WDR59: variants seen among roughly 807,000 people sequenced by gnomAD.
The protein encoded by WDR59 is GATOR2 complex protein WDR59.
Under a neutral mutation model 131.2 loss-of-function variants are expected in WDR59, and 100 were observed. The ratio of observed to expected loss-of-function variants is 0.76; its 90% confidence interval spans 0.65 to 0.90. WDR59 has a LOEUF of 0.90. Ranked by LOEUF, WDR59 falls within the 40% of genes least tolerant of loss-of-function variation. The pLI is 0.00. For missense variants in WDR59, 1,203 were observed against 1,262.2 expected (o/e 0.95, Z 0.71); for synonymous variants, 601 against 466.2 (o/e 1.29, Z -3.72).
chr16:74,916,800 A>C (rs1333074318), intron 11 of WDR59, among the ~76,000 whole-genome samples: 2 of 150,616 alleles, frequency 1.3e-5, no homozygotes, highest in Non-Finnish European at 3.0e-5. Flanking sequence ...CAGAGGTTGC[A>C]GTGAGCAAAG....
Position 74,874,202 on chromosome 16 carries a change from T to G in WDR59, c.*7A>C, listed in dbSNP as rs1164121829. On this transcript the variant is annotated 3_prime_UTR_variant, in exon 26 of 26. Coordinates refer to ENST00000262144, the MANE Select transcript of WDR59 (RefSeq NM_030581.4). The stretch of plus-strand genomic sequence containing the variant: ...GGGATTTCAGACAATACCCAACTTC[T>G]GTAGGTTCAGAAAGTGCTTTCAAGC... 6.2e-6 allele frequency: 10 copies of G among 1,611,468 alleles called. No individual in the cohort carries two copies. The highest frequency in any genetic ancestry group is 8.5e-6 in the Non-Finnish European group (10 of 1,178,342).
intron 25 of WDR59, among the ~76,000 whole-genome samples, chr16:74,876,993 A>G (rs1003426621): frequency 6.6e-6 from 1 of 151,986 alleles, no homozygotes; most frequent in Non-Finnish European, 1.5e-5. Flanking sequence ...GGGAAGAAGA[A>G]TGACTCTGGG....
At chr16:74,951,159 CA>C (rs71378721) in intron 4 of WDR59, among the ~76,000 whole-genome samples, 22,451 of 74,384 alleles carry the variant, frequency 0.3, 1,622 homozygotes, top group East Asian at 0.49. Flanking sequence ...GACTTCGTCT[CA>C]AAAAAAAAAA....
chr16:74,981,653 TATATATA>T lies in WDR59; in HGVS notation c.54+3304_54+3310del, dbSNP rs1194351589. Among the ~76,000 whole-genome samples the T allele has an allele frequency of 6.2e-3, 39 of 6,286 alleles. 2 individuals carry two copies. Among genetic ancestry groups the T allele is most frequent in the South Asian group, 8.2e-3 (1 of 122 alleles). 4.1% of individuals were successfully genotyped at this position (6,286 alleles called of 152,430 possible). ...ATATATATATATATATATATATATATATATATATTTTTTTTTTTTTTAGATGGAGTCT... is the reference window on the plus strand; with the variant it reads ...ATATATATATATATATATATATATATTTTTTTTTTTTTTTAGATGGAGTCT... On this transcript the variant is annotated intron_variant, in intron 1 of 25. Transcript: ENST00000262144.
chr16:74,877,099 G>C (rs1165284822), intron 25 of WDR59, among the ~76,000 whole-genome samples: 1 of 152,012 alleles, frequency 6.6e-6, no homozygotes, highest in South Asian at 2.1e-4. Context: ...TGTTCTATTA[G>C]TTCATCAAGG....
intron 18 of WDR59, among the ~76,000 whole-genome samples, chr16:74,895,144 G>A (rs1348172824): frequency 6.6e-6 from 1 of 152,222 alleles, no homozygotes; most frequent in Non-Finnish European, 1.5e-5. Context: ...TTCAGGACAT[G>A]TGGAGTTAGT....
chr16:74,899,741 G>C (rs900983441), intron 18 of WDR59: 41 of 1,289,076 alleles, frequency 3.2e-5, no homozygotes, highest in Non-Finnish European at 3.7e-5. Flanking sequence ...CCGCCGGGCA[G>C]AGCGAGGAGA....
rs201565145 is a variant in WDR59 at position 74,908,900 on chromosome 16, T to G, written c.1712+8A>C. 8.9e-3 allele frequency: 14,283 copies of G among 1,613,360 alleles called. 91 individuals are homozygous for G. Among genetic ancestry groups the G allele is most frequent in the Non-Finnish European group, 0.011 (12,759 of 1,179,544 alleles). ...ACGTAGAGCGGCTTCTGCATCTCCC[T>G]GACTCACCTCGGAGTAGGCTCTGTG... On this transcript the variant is annotated splice_region_variant and intron_variant, in intron 17 of 25. Transcript: ENST00000262144.
At chr16:74,911,991 T>C in intron 14 of WDR59, 1 of 615,120 alleles carries the variant, frequency 1.6e-6, no homozygotes, top group Non-Finnish European at 2.8e-6. Context: ...AAAGGAAGTC[T>C]ATGACCCAAA....
chr16:74,946,149 A>G (rs62061366), intron 6 of WDR59, among the ~76,000 whole-genome samples: 22,730 of 152,212 alleles, frequency 0.15, 1,772 homozygotes, highest in South Asian at 0.17. Context: ...ACAGTGTTAC[A>G]ACTGTTCTAT....
At chr16:74,942,709 C>T in intron 7 of WDR59, 29 bp downstream of exon 7, 1 of 1,610,146 alleles carries the variant, frequency 6.2e-7, no homozygotes, top group Non-Finnish European at 8.5e-7. Flanking sequence ...GATCAAAGAC[C>T]AATAAGGGCG....
intron 20 of WDR59, among the ~76,000 whole-genome samples, chr16:74,891,980 A>C (rs1028536610): frequency 2.6e-5 from 4 of 152,308 alleles, no homozygotes; most frequent in Admixed American, 2.0e-4. Context: ...GGCAAATTGC[A>C]TGGTAGATGG....
At position 74,892,469 on chromosome 16, in the gene WDR59, AG is replaced by A; in HGVS notation, c.2082+14del. The A allele has an allele frequency of 6.2e-7, 1 of 1,604,504 alleles. No homozygotes were observed. The highest frequency in any genetic ancestry group is 8.5e-7 in the Non-Finnish European group (1 of 1,174,648). ...AAGAAAAATCCAAATCTCCACCAAAAGGGATGGACAATACCTGGACAAGATC... is the reference window on the plus strand; with the variant it reads ...AAGAAAAATCCAAATCTCCACCAAAAGGATGGACAATACCTGGACAAGATC... On this transcript the variant is annotated intron_variant, in intron 20 of 25. Transcript: ENST00000262144.
chr16:74,941,077 G>A (rs1193352211), intron 7 of WDR59, among the ~76,000 whole-genome samples: 1 of 151,862 alleles, frequency 6.6e-6, no homozygotes. Flanking sequence ...AGGAGCAGTG[G>A]CTCATGTCTG....
At chr16:74,946,958 G>A (rs145166220) in intron 6 of WDR59, among the ~76,000 whole-genome samples, 18 of 152,312 alleles carry the variant, frequency 1.2e-4, no homozygotes, top group East Asian at 1.9e-4. Context: ...TTTTATAAAG[G>A]ATGTCAAAAT....
At chr16:74,915,302 C>T (rs1389212171) in intron 13 of WDR59, among the ~76,000 whole-genome samples, 1 of 152,158 alleles carries the variant, frequency 6.6e-6, no homozygotes, top group Non-Finnish European at 1.5e-5. Flanking sequence ...GATGCTGGAG[C>T]ATCTAAGGAG....
intron 18 of WDR59, among the ~76,000 whole-genome samples, chr16:74,895,026 C>T (rs1965225971): frequency 6.6e-6 from 1 of 152,180 alleles, no homozygotes; most frequent in Non-Finnish European, 1.5e-5. Context: ...TTTATACAAT[C>T]ATTCTTCCAT....
At chr16:74,976,391 G>T (rs2034180892) in intron 1 of WDR59, among the ~76,000 whole-genome samples, 1 of 151,306 alleles carries the variant, frequency 6.6e-6, no homozygotes, top group African/African-American at 2.4e-5. Context: ...AGAAAATATT[G>T]AGGAATTTCT....
intron 1 of WDR59, among the ~76,000 whole-genome samples, chr16:74,981,963 T>C (rs2034447966): frequency 7.8e-6 from 1 of 128,240 alleles, no homozygotes; most frequent in African/African-American, 2.8e-5. Flanking sequence ...GCCATATATG[T>C]ATATTTTTTA....
Sources: gnomAD v4.1 joint callset for allele counts (sites outside exome capture counted in the v4.1 genomes callset) on GRCh38, gnomAD v4.1.1 for gene constraint, MANE v1.5 for transcripts, NCBI Gene and HGNC (gene_info 2026-07-23, HGNC 2026-07-21) for gene names.